Variants in ZC3H15 observed in about 807,000 individuals in gnomAD.
ZC3H15 encodes zinc finger CCCH-type containing 15, also known as zinc finger CCCH domain-containing protein 15.
ZC3H15 carries 15 observed loss-of-function variants against 51.2 expected under a neutral mutation model. That is an observed-to-expected ratio of 0.29 (90% CI 0.20 to 0.45). The LOEUF is 0.45. ZC3H15 is among the 20% of genes least tolerant of loss of function. The pLI is 1.00. For missense variants in ZC3H15, 381 were observed against 494.7 expected (o/e 0.77, Z 2.18); for synonymous variants, 144 against 162.8 (o/e 0.88, Z 0.88).
At chr2:186,494,203 T>C (rs1685245861) in intron 1 of ZC3H15, among the ~76,000 whole-genome samples, 2 of 152,186 alleles carry the variant, frequency 1.3e-5, no homozygotes, top group Non-Finnish European at 2.9e-5. Flanking sequence ...TATTGAATAT[T>C]ACCAAGTTAC....
chr2:186,505,351 T>A, intron 6 of ZC3H15, 100 bp from the exon 7 acceptor site: 1 of 1,358,616 alleles, frequency 7.4e-7, no homozygotes, highest in Non-Finnish European at 9.7e-7. Flanking sequence ...ATCTTCAGGA[T>A]AGTCATGGGC....
intron 6 of ZC3H15, 140 bp from the exon 7 acceptor site, chr2:186,505,311 A>C: frequency 9.7e-7 from 1 of 1,027,342 alleles, no homozygotes; most frequent in Non-Finnish European, 1.3e-6. Flanking sequence ...AAAGTAAAAA[A>C]ATACATAAAT....
intron 1 of ZC3H15, chr2:186,486,816 C>T: frequency 4.2e-6 from 1 of 235,498 alleles, no homozygotes; most frequent in East Asian, 8.5e-5. Context: ...GCTGAACGGT[C>T]TCGGGCCAGC....
intron 9 of ZC3H15, among the ~76,000 whole-genome samples, chr2:186,508,063 T>A (rs372009211): frequency 6.6e-6 from 1 of 152,212 alleles, no homozygotes; most frequent in African/African-American, 2.4e-5. Context: ...TGTTTTTTTT[T>A]AACAATTTGA....
chr2:186,495,199 T>C, intron 1 of ZC3H15, 34 bp from the exon 2 acceptor site: 2 of 1,305,664 alleles, frequency 1.5e-6, no homozygotes, highest in Non-Finnish European at 2.1e-6. Context: ...GTAACATAAA[T>C]TGCTAAGATA....
chr2:186,502,560 G>T lies in ZC3H15; in HGVS notation c.507G>T (p.Ala169=). The T allele has an allele frequency of 6.2e-7, 1 of 1,612,044 alleles. No individual in the cohort carries two copies. Among genetic ancestry groups the T allele is most frequent in the Non-Finnish European group, 8.5e-7 (1 of 1,178,986 alleles). Residue 169 remains alanine, a synonymous_variant, in exon 5 of 10, where the codon GCG becomes GCT. Transcript: ENST00000337859. ...TAGTGAACAAGAAGCACGGTGAGGC[G>T]GAAAAGAAAAAACCAAAAACTCAAA... ...EEVVNKKHGE[A]EKKKPKTQIV... is the part of the protein sequence containing the mutation.
intron 1 of ZC3H15, among the ~76,000 whole-genome samples, chr2:186,492,685 G>A (rs1198122134): frequency 6.6e-6 from 1 of 152,150 alleles, no homozygotes; most frequent in African/African-American, 2.4e-5. Flanking sequence ...ATTATGTCAT[G>A]TTGTATGTTT....
chr2:186,496,656 A>G (rs1277718661), intron 2 of ZC3H15, among the ~76,000 whole-genome samples: 1 of 152,216 alleles, frequency 6.6e-6, no homozygotes, highest in Non-Finnish European at 1.5e-5. Context: ...CATTGTGCAA[A>G]TATCATAGAG....
At chr2:186,498,262 A>C (rs1157767613) in intron 2 of ZC3H15, among the ~76,000 whole-genome samples, 1 of 152,190 alleles carries the variant, frequency 6.6e-6, no homozygotes, top group East Asian at 1.9e-4. Context: ...GAGGAGAAAA[A>C]AGAGCCCAGG....
intron 5 of ZC3H15, 147 bp from the exon 6 acceptor site, chr2:186,503,885 G>A: frequency 1.8e-6 from 1 of 556,466 alleles, no homozygotes; most frequent in Non-Finnish European, 2.9e-6. Context: ...ATAGAGGCTA[G>A]ACAGAGCACC....
At position 186,504,199 on chromosome 2, in the gene ZC3H15, T is replaced by G. The variant is rs1685431174; in HGVS notation, c.702T>G (p.Asp234Glu). 2.5e-6 allele frequency: 4 copies of G among 1,596,130 alleles called. No homozygotes were observed. Among genetic ancestry groups the G allele is most frequent in the Non-Finnish European group, 2.6e-6 (3 of 1,170,982 alleles). ...EEKEDEISLE[D>E]LIERERSALG... ...AAGAAGATGAAATTTCATTAGAAGA[T>G]CTAATTGAGAGAGAGGTAACTGGTA... The change falls in exon 6 of 10, where the codon GAT becomes GAG. Residue 234 changes from aspartate to glutamate, a missense_variant. Asp to Glu is a conservative substitution (Grantham distance 45). Around this residue, in one of 3 missense-constraint regions of ZC3H15, gnomAD observed 215 missense variants for 241.8 expected, o/e 0.89. Transcript: ENST00000337859.
chr2:186,505,460 C>A lies in ZC3H15; in HGVS notation c.727C>A (p.Leu243Ile). The A allele has an allele frequency of 6.4e-7, 1 of 1,558,260 alleles. No individual in the cohort carries two copies. The highest frequency in any genetic ancestry group is 8.6e-7 in the Non-Finnish European group (1 of 1,158,940). Residue 243 changes from leucine to isoleucine, a missense_variant, in exon 7 of 10, where the codon CTA (leucine) becomes ATA (isoleucine). Transcript: ENST00000337859. ...TTCTTTACCATTGCAGCGTTCTGCC[C>A]TAGGTCCAAATGTTACCAAAATCAC... ...EDLIERERSA[L>I]GPNVTKITLE... is the part of the protein sequence containing the mutation.
chr2:186,486,343 C>G lies in ZC3H15; in HGVS notation c.-40C>G, dbSNP rs1454453054. On this transcript the variant is annotated 5_prime_UTR_variant, in exon 1 of 10. Coordinates refer to ENST00000337859, the MANE Select transcript of ZC3H15 (RefSeq NM_018471.3). Reference sequence around the variant, plus strand: ...CAGGGCCAGAACCCCTGACGGTATTCAGCTGCGCGTAAGTCTGGCCGGTGC... The same window carrying G: ...CAGGGCCAGAACCCCTGACGGTATTGAGCTGCGCGTAAGTCTGGCCGGTGC... The G allele has an allele frequency of 6.6e-7, 1 of 1,517,244 alleles. No homozygotes were observed. Among genetic ancestry groups the G allele is most frequent in the Admixed American group, 2.1e-5 (1 of 47,758 alleles). The allele number at this position is 1,517,244 out of a possible 1,614,324, so 94.0% of individuals were successfully genotyped here.
intron 1 of ZC3H15, among the ~76,000 whole-genome samples, chr2:186,493,266 G>T (rs1303138893): frequency 6.6e-6 from 1 of 152,112 alleles, no homozygotes; most frequent in Non-Finnish European, 1.5e-5. Flanking sequence ...GAAACAGGAG[G>T]GGTCTTCTTG....
intron 5 of ZC3H15, among the ~76,000 whole-genome samples, chr2:186,503,298 C>G (rs1685416566): frequency 6.6e-6 from 1 of 152,080 alleles, no homozygotes; most frequent in South Asian, 2.1e-4. Context: ...TCTTTGTGTT[C>G]CTTTTGTACC....
intron 5 of ZC3H15, 132 bp downstream of exon 5, chr2:186,502,719 G>T (rs1685406414): frequency 3.0e-6 from 2 of 663,706 alleles, no homozygotes; most frequent in Admixed American, 3.4e-5. Context: ...TCAAGATAAG[G>T]TACACGAAGC....
At chr2:186,490,671 C>A (rs937737257) in intron 1 of ZC3H15, among the ~76,000 whole-genome samples, 2 of 152,172 alleles carry the variant, frequency 1.3e-5, no homozygotes, top group South Asian at 4.1e-4. Flanking sequence ...TTGACCTGCC[C>A]TTCCGCTGCT....
At chr2:186,502,339 T>G (rs1685398338) in intron 4 of ZC3H15, among the ~76,000 whole-genome samples, 157 bp from the exon 5 acceptor site, 1 of 151,748 alleles carries the variant, frequency 6.6e-6, no homozygotes, top group African/African-American at 2.4e-5. Flanking sequence ...GCTATCACAC[T>G]CCATCCTGAG....
chr2:186,498,059 G>A (rs1332385196), intron 2 of ZC3H15, among the ~76,000 whole-genome samples: 2 of 152,128 alleles, frequency 1.3e-5, no homozygotes, highest in African/African-American at 4.8e-5. Context: ...ACAACATTCT[G>A]ACCCTGGTTT....
Sources: allele counts gnomAD v4.1 joint callset (sites outside exome capture counted in the v4.1 genomes callset), GRCh38; gene constraint gnomAD v4.1.1; regional missense constraint gnomAD v4.1.1; transcripts MANE v1.5; gene names NCBI Gene and HGNC (gene_info 2026-07-23, HGNC 2026-07-21).